TPX2: variants seen among roughly 807,000 people sequenced by gnomAD.
The protein encoded by TPX2 is TPX2 microtubule nucleation factor.
A neutral mutation model predicts 93.6 loss-of-function variants in TPX2; 21 were observed. The observed-to-expected ratio is 0.22, with a 90% CI of 0.16 to 0.32. TPX2 has a LOEUF of 0.32. Ranked by LOEUF, TPX2 falls within the 10% of genes least tolerant of loss-of-function variation. TPX2 has a pLI of 1.00. For synonymous variants in TPX2, 281 were observed against 298.3 expected (o/e 0.94, Z 0.60); for missense variants, 776 against 871.1 (o/e 0.89, Z 1.37).
rs554071523 is a variant in TPX2, at chr20:31,799,249, A to G, written c.2133+697A>G. Among the ~76,000 whole-genome samples the G allele has an allele frequency of 2.0e-5, 3 of 152,352 alleles. No individual in the cohort carries two copies. In the East Asian group the frequency reaches 5.8e-4, roughly 29 times the overall value. On this transcript the variant is annotated intron_variant, in intron 17 of 17. Coordinates refer to ENST00000300403, the MANE Select transcript of TPX2 (RefSeq NM_012112.5). The stretch of plus-strand genomic sequence containing the variant: ...AGTTGTGTTAACTGTGTTAATGAAG[A>G]AGCAGACAGTTTTAGATGGAACTTC...
chr20:31,750,188 G>A (rs1047989840), intron 2 of TPX2, among the ~76,000 whole-genome samples: 1 of 148,292 alleles, frequency 6.7e-6, no homozygotes, highest in Admixed American at 6.7e-5. Flanking sequence ...ACGGAGTTTC[G>A]CTCTTGTTGC....
At chr20:31,752,734 T>C (rs2061827306) in intron 2 of TPX2, among the ~76,000 whole-genome samples, 1 of 152,148 alleles carries the variant, frequency 6.6e-6, no homozygotes, top group Admixed American at 6.6e-5. Context: ...TGCCTTAGCC[T>C]CCTGAGTAGC....
At chr20:31,794,366 T>C in intron 14 of TPX2, 36 bp from the exon 15 acceptor site, 1 of 1,604,600 alleles carries the variant, frequency 6.2e-7, no homozygotes, top group Non-Finnish European at 8.5e-7. Context: ...TTCCAGCTAG[T>C]CTTTATCTTA....
chr20:31,770,079 C>T (rs2061955463), intron 5 of TPX2, among the ~76,000 whole-genome samples: 1 of 152,194 alleles, frequency 6.6e-6, no homozygotes, highest in African/African-American at 2.4e-5. Context: ...GGATGGCAAG[C>T]ATGAGCTACC....
chr20:31,744,922 A>G (rs2061774918), intron 2 of TPX2, among the ~76,000 whole-genome samples: 1 of 152,066 alleles, frequency 6.6e-6, no homozygotes, highest in Non-Finnish European at 1.5e-5. Flanking sequence ...CCCTGTCTCT[A>G]CTAAAAATAC....
intron 1 of TPX2, among the ~76,000 whole-genome samples, chr20:31,740,044 G>A (rs1364233963): frequency 6.6e-6 from 1 of 152,066 alleles, no homozygotes; most frequent in Non-Finnish European, 1.5e-5. Context: ...CTTTTTGTAT[G>A]GAATCACCAG....
At chr20:31,756,022 G>A (rs750284576) in intron 2 of TPX2, among the ~76,000 whole-genome samples, 2 of 152,152 alleles carry the variant, frequency 1.3e-5, no homozygotes, top group Non-Finnish European at 2.9e-5. Flanking sequence ...ACTCTTACGT[G>A]TATTTCAAAG....
At chr20:31,793,239 G>A (rs748191032) in intron 13 of TPX2, among the ~76,000 whole-genome samples, 1 of 152,188 alleles carries the variant, frequency 6.6e-6, no homozygotes, top group Admixed American at 6.5e-5. Context: ...CGTTAACCCA[G>A]AGGAGTTGCA....
chr20:31,758,767 G>A (rs1257067167), intron 3 of TPX2, among the ~76,000 whole-genome samples: 1 of 152,164 alleles, frequency 6.6e-6, no homozygotes, highest in East Asian at 1.9e-4. Flanking sequence ...GAAGTGGTGT[G>A]GGAGGAAGGG....
chr20:31,769,800 T>C (rs886242332), intron 5 of TPX2, among the ~76,000 whole-genome samples: 4 of 152,084 alleles, frequency 2.6e-5, no homozygotes, highest in African/African-American at 4.8e-5. Context: ...ATTCATCTTA[T>C]TGATTTATTT....
chr20:31,781,703 G>A (rs367643001), intron 10 of TPX2, among the ~76,000 whole-genome samples: 64 of 152,158 alleles, frequency 4.2e-4, no homozygotes, highest in African/African-American at 1.5e-3. Context: ...AGCACTTTGG[G>A]AGGCTGAGGT....
At chr20:31,784,601 A>G (rs966452320) in intron 12 of TPX2, among the ~76,000 whole-genome samples, 8 of 152,218 alleles carry the variant, frequency 5.3e-5, no homozygotes, top group Non-Finnish European at 1.2e-4. Flanking sequence ...CATTCCAGGC[A>G]GTAGGAATTA....
intron 2 of TPX2, 89 bp from the exon 3 acceptor site, chr20:31,757,318 G>C (rs1032811702): frequency 1.6e-6 from 1 of 619,156 alleles, no homozygotes; most frequent in Non-Finnish European, 2.9e-6. Flanking sequence ...GTAAATTCTA[G>C]GTGGTTTGCA....
chr20:31,761,197 AT>A (rs764823436), intron 4 of TPX2, among the ~76,000 whole-genome samples: 3,293 of 130,690 alleles, frequency 0.025, 35 homozygotes, highest in African/African-American at 0.074. Flanking sequence ...CCTTCAATTA[AT>A]TTTTTTTTTT....
chr20:31,757,364 T>A (rs1568923483), intron 2 of TPX2, 43 bp from the exon 3 acceptor site: 1 of 838,806 alleles, frequency 1.2e-6, no homozygotes. Flanking sequence ...AAAGTAATGA[T>A]GGGAATTTAC....
At chr20:31,779,043 C>T in intron 10 of TPX2, 59 bp downstream of exon 10, 1 of 1,474,052 alleles carries the variant, frequency 6.8e-7, no homozygotes, top group Non-Finnish European at 9.0e-7. Context: ...CCTCTGCTTA[C>T]ATCTTAGGCA....
intron 13 of TPX2, among the ~76,000 whole-genome samples, chr20:31,793,234 AC>A (rs1201061463): frequency 6.6e-6 from 1 of 152,132 alleles, no homozygotes; most frequent in African/African-American, 2.4e-5. Flanking sequence ...ATCTCCGTTA[AC>A]CCAGAGGAGT....
At position 31,794,814 on chromosome 20, in the gene TPX2, T is replaced by TTTG. The variant is rs375024389; in HGVS notation, c.1833+284_1833+286dup. 2.1e-3 allele frequency among the ~76,000 whole-genome samples: 320 copies of TTTG among 150,606 alleles called. 1 individual carries two copies. Among genetic ancestry groups the TTTG allele is most frequent in the African/African-American group, 7.1e-3 (290 of 40,790 alleles). On this transcript the variant is annotated intron_variant, in intron 15 of 17. Transcript: ENST00000300403. Reference sequence around the variant, plus strand: ...TGTATGTGTGTGTGTACGCACACATTTTGTTGTTGTTGTTGTTGTTTTTTG... The same window carrying TTTG: ...TGTATGTGTGTGTGTACGCACACATTTTGTTGTTGTTGTTGTTGTTGTTTTTTG...
At chr20:31,783,317 C>G (rs981132204) in intron 11 of TPX2, among the ~76,000 whole-genome samples, 1 of 151,922 alleles carries the variant, frequency 6.6e-6, no homozygotes, top group Non-Finnish European at 1.5e-5. Flanking sequence ...AGTGGTGCCT[C>G]TAAGCTCACT....
Sources: allele counts gnomAD v4.1 joint callset (sites outside exome capture counted in the v4.1 genomes callset), GRCh38; gene constraint gnomAD v4.1.1; transcripts MANE v1.5; gene names NCBI Gene and HGNC (gene_info 2026-07-23, HGNC 2026-07-21).